SLC6A2: variants seen among roughly 807,000 people sequenced by gnomAD.
SLC6A2 encodes sodium-dependent noradrenaline transporter.
In SLC6A2, 26 loss-of-function variants were observed where a neutral mutation model predicts 71.7. The observed-to-expected ratio is 0.36, with a 90% confidence interval of 0.27 to 0.50. The LOEUF is 0.50. Ranked by LOEUF, SLC6A2 falls within the 20% of genes least tolerant of loss-of-function variation. The pLI is 0.96. For missense variants in SLC6A2, 581 were observed against 803.9 expected, an observed-to-expected ratio of 0.72 and a Z score of 3.35; for synonymous variants, 363 against 337.9, an observed-to-expected ratio of 1.07 and a Z score of -0.82.
chr16:55,687,343 C>A lies in SLC6A2; in HGVS notation c.783+2062C>A, dbSNP rs571577854. On this transcript the variant is annotated intron_variant, in intron 5 of 14. Coordinates refer to ENST00000568943, the MANE Select transcript of SLC6A2 (RefSeq NM_001172501.3). ...TCTTGATATTGAAGGCATTTCTTAG[C>A]CTGAGTTGTGGTCAAAAAGTGTGAG... Among the ~76,000 whole-genome samples, 69 of 152,274 alleles carry A rather than the reference C, an allele frequency of 4.5e-4. No homozygotes were observed. The South Asian group carries it at 0.01, about 23-fold the overall frequency.
At chr16:55,674,165 C>T (rs1485870630) in intron 4 of SLC6A2, among the ~76,000 whole-genome samples, 6 of 151,952 alleles carry the variant, frequency 3.9e-5, no homozygotes, top group South Asian at 2.1e-4. Flanking sequence ...GGTACTTTTT[C>T]GACTCTTGTC....
In SLC6A2 at chr16:55,656,572, C is replaced by T; in HGVS notation, c.-51-72C>T. The T allele has an allele frequency of 7.9e-7, 1 of 1,258,606 alleles. No homozygotes were observed. Among genetic ancestry groups the T allele is most frequent in the Non-Finnish European group, 1.2e-6 (1 of 869,478 alleles). 78.0% of individuals were successfully genotyped at this position (1,258,606 alleles called of 1,614,324 possible). A position where few individuals can be genotyped will look rare whatever the true frequency, so the allele number is the denominator to read the frequency against. ...GCTCATCCCAGTGTCTAAGGCGCTC[C>T]CGGGTGGTCTTGGGAGTTGCAAGTA... On this transcript the variant is annotated intron_variant, in intron 1 of 14. Coordinates refer to ENST00000568943, the MANE Select transcript of SLC6A2 (RefSeq NM_001172501.3). The surrounding 1 kb of genome is among the most constrained non-coding windows in gnomAD (Gnocchi z 4.5).
chr16:55,676,647 A>G (rs1344145851), intron 4 of SLC6A2, among the ~76,000 whole-genome samples: 1 of 152,232 alleles, frequency 6.6e-6, no homozygotes, highest in Non-Finnish European at 1.5e-5. Context: ...CATGTTTGTT[A>G]TTATGCAGAA....
In SLC6A2 at chr16:55,702,445, G is replaced by A. The variant is rs906439007; in HGVS notation, c.*99G>A. ...GACACCATCTTGGGATTCCTCCCCT[G>A]GAAGTTGTCCTTTCTGATCCTCTCT... On this transcript the variant is annotated 3_prime_UTR_variant, in exon 15 of 15. Transcript: ENST00000568943. The A allele has an allele frequency of 1.2e-5, 20 of 1,607,662 alleles. No individual in the cohort carries two copies. The highest frequency in any genetic ancestry group is 1.6e-4 in the Middle Eastern group (1 of 6,080).
At chr16:55,684,417 A>C (rs1218212920) in intron 4 of SLC6A2, among the ~76,000 whole-genome samples, 1 of 152,240 alleles carries the variant, frequency 6.6e-6, no homozygotes, top group Admixed American at 6.5e-5. Context: ...ATTATGAAAT[A>C]ATGCTGCCAT....
At chr16:55,669,964 A>T (rs1964859061) in intron 3 of SLC6A2, among the ~76,000 whole-genome samples, 2 of 152,116 alleles carry the variant, frequency 1.3e-5, no homozygotes, top group Non-Finnish European at 1.5e-5. Flanking sequence ...TGTATGGGAA[A>T]TTTTTACGTA....
chr16:55,682,248 G>A (rs1965296694), intron 4 of SLC6A2, among the ~76,000 whole-genome samples: 1 of 152,150 alleles, frequency 6.6e-6, no homozygotes, highest in Non-Finnish European at 1.5e-5. Context: ...TGGACCTCTA[G>A]TTGAGCGCAA....
chr16:55,687,815 A>G (rs770192997), intron 5 of SLC6A2, among the ~76,000 whole-genome samples: 1 of 152,234 alleles, frequency 6.6e-6, no homozygotes. Flanking sequence ...AGAGTGGAGT[A>G]TATGTTGTCT....
Position 55,702,736 on chromosome 16 carries a change from G to T in SLC6A2, c.*390G>T. The T allele has an allele frequency of 4.4e-6, 4 of 914,568 alleles. No homozygotes were observed. Among genetic ancestry groups the T allele is most frequent in the African/African-American group, 3.0e-5 (1 of 33,594 alleles). The allele number at this position is 914,568 out of a possible 1,614,324, so 56.7% of individuals were successfully genotyped here. ...CAGAGAGAGGATGGGCTTTTGATCAGATACCCCTCCCAAAAAAAAAAAAAA... is the reference window on the plus strand; with the variant it reads ...CAGAGAGAGGATGGGCTTTTGATCATATACCCCTCCCAAAAAAAAAAAAAA... On this transcript the variant is annotated 3_prime_UTR_variant, in exon 15 of 15. Transcript: ENST00000568943.
rs1964849636 is a variant in SLC6A2 at position 55,669,631 on chromosome 16, T to A, written c.341T>A (p.Leu114Gln). 1.2e-6 allele frequency: 2 copies of A among 1,613,998 alleles called. No individual in the cohort carries two copies. Among genetic ancestry groups the A allele is most frequent in the Admixed American group, 3.3e-5 (2 of 60,006 alleles). ...GGGATGCCCCTGTTCTACATGGAGC[T>A]GGCTCTGGGACAGTACAACCGGGAG... Reference protein sequence around the residue: ...IAGMPLFYMELALGQYNREGA... With the variant: ...IAGMPLFYMEQALGQYNREGA... Residue 114 changes from leucine (L) to glutamine (Q), a missense_variant, in exon 3 of 15, where the codon CTG (leucine) becomes CAG (glutamine). This residue lies in a region of SLC6A2 where 81 missense variants were observed against 152.4 expected (regional missense o/e 0.53). Transcript: ENST00000568943.
intron 2 of SLC6A2, among the ~76,000 whole-genome samples, chr16:55,657,944 G>C (rs1349898108): frequency 2.0e-5 from 3 of 152,182 alleles, no homozygotes; most frequent in African/African-American, 7.2e-5. Flanking sequence ...GAGCTCAGAG[G>C]TACCCTGCAA....
chr16:55,689,859 G>A, intron 5 of SLC6A2, among the ~76,000 whole-genome samples: 1 of 152,194 alleles, frequency 6.6e-6, no homozygotes. Flanking sequence ...GAACAAGGGA[G>A]TGATGGAGAA....
intron 13 of SLC6A2, among the ~76,000 whole-genome samples, chr16:55,700,577 G>A (rs1013739549): frequency 6.6e-6 from 1 of 152,094 alleles, no homozygotes; most frequent in Non-Finnish European, 1.5e-5. Flanking sequence ...GTTACTTGGG[G>A]GTGAGCTCAG....
chr16:55,677,077 C>T (rs1965113346), intron 4 of SLC6A2, among the ~76,000 whole-genome samples: 1 of 152,206 alleles, frequency 6.6e-6, no homozygotes, highest in South Asian at 2.1e-4. Flanking sequence ...ACACACTGCG[C>T]TCTTCTGTCT....
rs1966003692 is a variant in SLC6A2 at position 55,702,503 on chromosome 16, T to C, written c.*157T>C. ...CCATTTACAAATGATTTCGTGACTGTAGTTTTTGTTCACCTTCTGTGCATC... is the reference window on the plus strand; with the variant it reads ...CCATTTACAAATGATTTCGTGACTGCAGTTTTTGTTCACCTTCTGTGCATC... On this transcript the variant is annotated 3_prime_UTR_variant, in exon 15 of 15. Coordinates refer to ENST00000568943, the MANE Select transcript of SLC6A2 (RefSeq NM_001172501.3). The C allele has an allele frequency of 6.5e-7, 1 of 1,534,266 alleles. No homozygotes were observed. The highest frequency in any genetic ancestry group is 8.8e-7 in the Non-Finnish European group (1 of 1,137,506).
rs149350009 is a variant in SLC6A2, at chr16:55,699,634, G to A, written c.1570G>A (p.Val524Ile). Reference sequence around the variant, plus strand: ...ATACTGGAGACTGTGCTGGAAGTTCGTCAGTCCTGCCTTCCTCCTGGTGTG... The same window carrying A: ...ATACTGGAGACTGTGCTGGAAGTTCATCAGTCCTGCCTTCCTCCTGGTGTG... ...GLYWRLCWKF[V>I]SPAFLLFVVV... Residue 524 changes from valine (V) to isoleucine (I), a missense_variant, in exon 12 of 15, where the codon GTC becomes ATC. By Grantham distance (29) the Val-to-Ile change is conservative. Around this residue, in one of 5 missense-constraint regions of SLC6A2, gnomAD observed 334 missense variants for 449.0 expected, o/e 0.74. Coordinates refer to ENST00000568943, the MANE Select transcript of SLC6A2 (RefSeq NM_001172501.3). 41 of 1,613,426 alleles carry A rather than the reference G, an allele frequency of 2.5e-5. No individual in the cohort carries two copies. The highest frequency in any genetic ancestry group is 5.3e-5 in the African/African-American group (4 of 74,918).
Position 55,698,493 on chromosome 16 carries a change from C to T in SLC6A2, c.1414C>T (p.Leu472=), listed in dbSNP as rs781123333. ...TKGGIYVLTL[L]DTFAAGTSIL... ...GGGTGGAATTTACGTCTTGACCCTC[C>T]TGGACACCTTTGCTGCGGGCACCTC... The change falls in exon 11 of 15, where the codon CTG becomes TTG. Residue 472 remains leucine, a synonymous_variant. Transcript: ENST00000568943. 1.2e-6 allele frequency: 2 copies of T among 1,613,962 alleles called. No individual in the cohort carries two copies. Among genetic ancestry groups the T allele is most frequent in the East Asian group, 4.5e-5 (2 of 44,890 alleles).
intron 14 of SLC6A2, 95 bp downstream of exon 14, chr16:55,702,029 A>G: frequency 9.9e-7 from 1 of 1,012,100 alleles, no homozygotes; most frequent in Non-Finnish European, 1.6e-6. Context: ...TCACATCCAG[A>G]AAACCCAGAA....
intron 4 of SLC6A2, among the ~76,000 whole-genome samples, chr16:55,684,231 G>T (rs1336724594): frequency 6.6e-6 from 1 of 150,432 alleles, no homozygotes; most frequent in African/African-American, 2.4e-5. Context: ...GCCTGGGGAG[G>T]CTGAGTCTTC....
Sources: gnomAD v4.1 joint callset for allele counts (sites outside exome capture counted in the v4.1 genomes callset) on GRCh38, gnomAD v4.1.1 for gene constraint, gnomAD v4.1.1 regional missense constraint, Gnocchi (gnomAD v3.1) non-coding constraint, MANE v1.5 for transcripts, NCBI Gene and HGNC (gene_info 2026-07-23, HGNC 2026-07-21) for gene names.